Variants in SIPA1L1 observed in about 807,000 individuals in gnomAD.
SIPA1L1 encodes signal induced proliferation associated 1 like 1.
In SIPA1L1, 26 loss-of-function variants were observed where a neutral mutation model predicts 162.7. The observed-to-expected ratio is 0.16, with a 90% CI of 0.12 to 0.22. The LOEUF (loss-of-function observed/expected upper bound fraction) is 0.22. Among genes scored for constraint, SIPA1L1 ranks in the 10% least tolerant of loss-of-function variants. The pLI, the probability that SIPA1L1 is intolerant of heterozygous loss-of-function variation, is 1.00. For synonymous variants in SIPA1L1, 829 were observed against 837.4 expected, an observed-to-expected ratio of 0.99 and a Z score of 0.17; for missense variants, 1,874 against 2,241.0, an observed-to-expected ratio of 0.84 and a Z score of 3.31.
At chr14:71,433,762 A>G (rs942287811) in intron 2 of SIPA1L1, among the ~76,000 whole-genome samples, 5 of 152,198 alleles carry the variant, frequency 3.3e-5, no homozygotes, top group African/African-American at 1.2e-4. Context: ...AAGGATTTTA[A>G]TACCTTCCAT....
chr14:71,529,402 C>T (rs748268146), intron 4 of SIPA1L1, 32 bp downstream of exon 4: 2 of 595,992 alleles, frequency 3.4e-6, no homozygotes, highest in South Asian at 4.2e-5. Context: ...CTATGACCTA[C>T]CTGCTTTACA....
At chr14:71,560,919 G>T (rs972629098) in intron 4 of SIPA1L1, among the ~76,000 whole-genome samples, 1 of 152,120 alleles carries the variant, frequency 6.6e-6, no homozygotes, top group African/African-American at 2.4e-5. Context: ...CATTGTAGGG[G>T]ATGATTTAGA....
chr14:71,614,414 C>T (rs1197861578), intron 5 of SIPA1L1, among the ~76,000 whole-genome samples: 1 of 151,932 alleles, frequency 6.6e-6, no homozygotes, highest in Non-Finnish European at 1.5e-5. Flanking sequence ...CAAAACAGAG[C>T]TTTTATTGTA....
intron 2 of SIPA1L1, among the ~76,000 whole-genome samples, chr14:71,338,005 T>C (rs1394794958): frequency 6.6e-6 from 1 of 152,202 alleles, no homozygotes; most frequent in African/African-American, 2.4e-5. Flanking sequence ...TTATCACTCT[T>C]ATACCCTTCC....
chr14:71,573,781 C>T (rs2032529176), intron 4 of SIPA1L1: 2 of 451,766 alleles, frequency 4.4e-6, no homozygotes, highest in Non-Finnish European at 8.9e-6. Flanking sequence ...AACTTTGTCA[C>T]TGTTAACAGT....
chr14:71,387,365 C>G (rs1318186968), intron 2 of SIPA1L1, among the ~76,000 whole-genome samples: 1 of 151,642 alleles, frequency 6.6e-6, no homozygotes, highest in Non-Finnish European at 1.5e-5. Context: ...AGTCCCATCT[C>G]CTCAGAAGGC....
At chr14:71,472,642 T>C (rs2047550617) in intron 2 of SIPA1L1, among the ~76,000 whole-genome samples, 1 of 151,856 alleles carries the variant, frequency 6.6e-6, no homozygotes, top group African/African-American at 2.4e-5. Context: ...ACAAAGTTGG[T>C]TAATGAATGT....
At chr14:71,496,642 C>G (rs547506987) in intron 2 of SIPA1L1, among the ~76,000 whole-genome samples, 5 of 152,146 alleles carry the variant, frequency 3.3e-5, no homozygotes, top group African/African-American at 1.2e-4. Flanking sequence ...AGTGTTTATA[C>G]CCTTGCTGAT....
chr14:71,609,659 GT>G (rs959341649), intron 5 of SIPA1L1, among the ~76,000 whole-genome samples: 1 of 151,950 alleles, frequency 6.6e-6, no homozygotes, highest in Non-Finnish European at 1.5e-5. Context: ...TGGAGAAGGG[GT>G]TTCACCATGT....
chr14:71,562,118 A>C (rs2056844540), intron 4 of SIPA1L1, among the ~76,000 whole-genome samples: 1 of 151,854 alleles, frequency 6.6e-6, no homozygotes, highest in Non-Finnish European at 1.5e-5. Context: ...TATTTTATTC[A>C]TAATATATAT....
At chr14:71,446,091 C>T (rs937232388) in intron 2 of SIPA1L1, among the ~76,000 whole-genome samples, 2 of 152,128 alleles carry the variant, frequency 1.3e-5, no homozygotes, top group African/African-American at 4.8e-5. Context: ...TAAAGTGATC[C>T]TCCCACTTTG....
At chr14:71,475,631 T>C (rs12889221) in intron 2 of SIPA1L1, among the ~76,000 whole-genome samples, 2 of 152,212 alleles carry the variant, frequency 1.3e-5, no homozygotes, top group Non-Finnish European at 2.9e-5. Context: ...AAAAAAATTA[T>C]CCGTAGCTTC....
intron 7 of SIPA1L1, among the ~76,000 whole-genome samples, chr14:71,632,307 A>G (rs1265631334): frequency 6.6e-6 from 1 of 152,216 alleles, no homozygotes; most frequent in Non-Finnish European, 1.5e-5. Flanking sequence ...GGGCTGAAGA[A>G]GTCAGCAAAC....
rs554627052 is a variant in SIPA1L1, at chr14:71,739,196, A to T, written c.*35A>T. On this transcript the variant is annotated 3_prime_UTR_variant, in exon 24 of 24. Transcript: ENST00000381232. ...AGGAGGACAGGAGAAGGGCCCAGACACTCCCTCCAGTGAGTGTCCTGCAGC... is the reference window on the plus strand; with the variant it reads ...AGGAGGACAGGAGAAGGGCCCAGACTCTCCCTCCAGTGAGTGTCCTGCAGC... 31 of 1,580,196 alleles carry T rather than the reference A, an allele frequency of 2.0e-5. No individual in the cohort carries two copies. In the East Asian group the frequency reaches 7.0e-4, roughly 36 times the overall value.
At chr14:71,580,657 T>C (rs2033799618) in intron 4 of SIPA1L1, among the ~76,000 whole-genome samples, 1 of 152,212 alleles carries the variant, frequency 6.6e-6, no homozygotes, top group African/African-American at 2.4e-5. Context: ...AAGAACATCT[T>C]ACAGGAAGGA....
At chr14:71,384,359 C>A (rs932306283) in intron 2 of SIPA1L1, among the ~76,000 whole-genome samples, 1 of 152,000 alleles carries the variant, frequency 6.6e-6, no homozygotes, top group Non-Finnish European at 1.5e-5. Flanking sequence ...TGTGTGGGGC[C>A]TGGGTTTGGG....
intron 5 of SIPA1L1, among the ~76,000 whole-genome samples, chr14:71,595,468 A>G (rs113977303): frequency 4.6e-5 from 7 of 152,320 alleles, no homozygotes; most frequent in African/African-American, 1.2e-4. Flanking sequence ...ATGCTCAACT[A>G]TACAGCTTTG....
Position 71,618,870 on chromosome 14 carries a change from A to G in SIPA1L1, c.1612A>G (p.Ile538Val). Reference protein sequence around the residue: ...ENGSPYNYRIIFRTSELMTLR... With the variant: ...ENGSPYNYRIVFRTSELMTLR... ...TGGATCTCCGTACAACTACCGAATAATTTTTAGAACTAGTGAGGTAAGTCG... is the reference window on the plus strand; with the variant it reads ...TGGATCTCCGTACAACTACCGAATAGTTTTTAGAACTAGTGAGGTAAGTCG... Residue 538 changes from isoleucine (I) to valine (V), a missense_variant, in exon 6 of 24, where the codon ATT (isoleucine) becomes GTT (valine). Physicochemically the swap from Ile to Val is conservative, Grantham distance 29. Transcript: ENST00000381232. The G allele has an allele frequency of 6.2e-7, 1 of 1,613,666 alleles. No individual in the cohort carries two copies. Among genetic ancestry groups the G allele is most frequent in the Non-Finnish European group, 8.5e-7 (1 of 1,179,778 alleles).
At chr14:71,616,445 C>T (rs181216243) in intron 5 of SIPA1L1, among the ~76,000 whole-genome samples, 358 of 151,916 alleles carry the variant, frequency 2.4e-3, no homozygotes, top group Non-Finnish European at 3.8e-3. Flanking sequence ...TCTGACAGGT[C>T]GTAAGGAGTT....
Sources: allele counts gnomAD v4.1 joint callset (sites outside exome capture counted in the v4.1 genomes callset), GRCh38; gene constraint gnomAD v4.1.1; transcripts MANE v1.5; gene names NCBI Gene and HGNC (gene_info 2026-07-23, HGNC 2026-07-21).